Variants in KIFC3 observed in about 807,000 individuals in gnomAD.
The protein encoded by KIFC3 is kinesin family member C3, also known as kinesin-like protein KIFC3.
Under a neutral mutation model 101.8 loss-of-function variants are expected in KIFC3, and 60 were observed. The observed-to-expected ratio is 0.59, with a 90% CI of 0.48 to 0.73. The LOEUF (loss-of-function observed/expected upper bound fraction) is 0.73, where lower values mean the gene tolerates loss of function less well. Ranked by LOEUF, KIFC3 falls within the 30% of genes least tolerant of loss-of-function variation. KIFC3 has a pLI of 0.00. For missense variants in KIFC3, 966 were observed against 1,137.1 expected (o/e 0.85, Z 2.16); for synonymous variants, 476 against 482.7 (o/e 0.99, Z 0.18).
chr16:57,827,681 G>T (rs1041990086), intron 1 of KIFC3, among the ~76,000 whole-genome samples: 1 of 152,146 alleles, frequency 6.6e-6, no homozygotes, highest in Non-Finnish European at 1.5e-5. Context: ...GCCATGGATG[G>T]TCACAAATTT....
intron 1 of KIFC3, among the ~76,000 whole-genome samples, chr16:57,798,928 T>G (rs1166593879): frequency 6.6e-6 from 1 of 152,188 alleles, no homozygotes; most frequent in Non-Finnish European, 1.5e-5. Context: ...AGTCTTCATT[T>G]AATAATGCCT....
chr16:57,782,025 A>C (rs2052794201), intron 3 of KIFC3: 2 of 985,424 alleles, frequency 2.0e-6, no homozygotes, highest in Non-Finnish European at 2.4e-6. Context: ...AACAAGGCAG[A>C]GTGTACCCCC....
intron 3 of KIFC3, among the ~76,000 whole-genome samples, chr16:57,781,146 C>T (rs1392019515): frequency 6.6e-6 from 1 of 152,076 alleles, no homozygotes; most frequent in Non-Finnish European, 1.5e-5. Flanking sequence ...AGCAAGACTC[C>T]GTCTGGACAG....
chr16:57,799,027 A>AAAAAAACCCTCACAGTCTGAGCAGGCTAC lies in KIFC3; in HGVS notation c.-39-774_-39-746dup, dbSNP rs1555624607. On this transcript the variant is annotated intron_variant, in intron 1 of 19. Transcript: ENST00000445690. The stretch of plus-strand genomic sequence containing the variant: ...CAGTCAGAAGGGAGATAAACACTTC[A>AAAAAAACCCTCACAGTCTGAGCAGGCTAC]AAAAAACCCTCACAGTCTGAGCAGG... Among the ~76,000 whole-genome samples, 13 of 152,304 alleles carry AAAAAAACCCTCACAGTCTGAGCAGGCTAC rather than the reference A, an allele frequency of 8.5e-5. No individual in the cohort carries two copies. In the East Asian group the frequency reaches 9.6e-4, roughly 11 times the overall value.
At chr16:57,764,458 G>C in intron 11 of KIFC3, 1 of 556,284 alleles carries the variant, frequency 1.8e-6, no homozygotes, top group South Asian at 2.1e-5. Context: ...CTGCAGGGAA[G>C]ACAGGCCAGT....
chr16:57,796,034 C>G (rs1279196923), intron 2 of KIFC3, among the ~76,000 whole-genome samples: 1 of 151,898 alleles, frequency 6.6e-6, no homozygotes, highest in Non-Finnish European at 1.5e-5. Flanking sequence ...GCTGGGATTA[C>G]AGGTGCGCAC....
intron 1 of KIFC3, among the ~76,000 whole-genome samples, chr16:57,822,296 G>A (rs1254903290): frequency 6.6e-6 from 1 of 152,194 alleles, no homozygotes; most frequent in Non-Finnish European, 1.5e-5. Context: ...TTGAAGAGAT[G>A]AATGAGATCA....
At chr16:57,837,112 C>T (rs183791311) in intron 1 of KIFC3, among the ~76,000 whole-genome samples, 61 of 152,070 alleles carry the variant, frequency 4.0e-4, no homozygotes, top group South Asian at 1.2e-3. Context: ...ACAGAGTTGG[C>T]GAGTGAGGGC....
rs782470796 is a variant in KIFC3, at chr16:57,762,213, C to T, written c.1675G>A (p.Val559Met). The T allele has an allele frequency of 6.2e-6, 10 of 1,609,248 alleles. No individual in the cohort carries two copies. The Admixed American group carries it at 1.3e-4, about 22-fold the overall frequency. ...QRALQLLFSE[V>M]QEKASDWEYT... ...TCCCAGTCAGACGCCTTCTCCTGCA[C>T]CTCGGAGAAGAGCAGCTGCAGGGCC... The change falls in exon 13 of 20, where the codon GTG becomes ATG. Residue 559 changes from valine (V) to methionine (M), a missense_variant. Val to Met is a conservative substitution (Grantham distance 21, BLOSUM62 1). Coordinates refer to ENST00000445690, the MANE Select transcript of KIFC3 (RefSeq NM_001130100.2).
intron 3 of KIFC3, chr16:57,776,454 C>A: frequency 9.2e-6 from 9 of 979,988 alleles, no homozygotes; most frequent in Non-Finnish European, 9.7e-6. Context: ...TAAAGCCAGG[C>A]TGCCCAGGTT....
chr16:57,842,550 A>G (rs1276143929), intron 1 of KIFC3, among the ~76,000 whole-genome samples: 1 of 152,192 alleles, frequency 6.6e-6, no homozygotes, highest in Non-Finnish European at 1.5e-5. Flanking sequence ...ATAATTCAAT[A>G]ATAATTCAAT....
At chr16:57,819,960 C>T (rs1225194670) in intron 1 of KIFC3, among the ~76,000 whole-genome samples, 2 of 152,188 alleles carry the variant, frequency 1.3e-5, no homozygotes, top group South Asian at 2.1e-4. Flanking sequence ...CCTCCGCCTC[C>T]TGGGTTCTAA....
chr16:57,761,323 GCGTGCTTA>G (rs1405575948), intron 14 of KIFC3, 82 bp downstream of exon 14: 14 of 1,580,602 alleles, frequency 8.9e-6, no homozygotes, highest in African/African-American at 2.7e-5. Flanking sequence ...GCCCAAGGGT[GCGTGCTTA>G]GGACACAGCA....
chr16:57,759,140 C>T lies in KIFC3; in HGVS notation c.*9G>A, dbSNP rs781900784. ...CCACACTCACCTAGAGACTCTGCAG[C>T]CCCAGCCGTCAGGCTGAAATCAAAG... On this transcript the variant is annotated 3_prime_UTR_variant, in exon 19 of 20. Coordinates refer to ENST00000445690, the MANE Select transcript of KIFC3 (RefSeq NM_001130100.2). The T allele has an allele frequency of 7.7e-6, 12 of 1,550,818 alleles. No homozygotes were observed. The highest frequency in any genetic ancestry group is 2.4e-5 in the East Asian group (1 of 40,924).
rs1555617060 is a variant in KIFC3 at position 57,785,440 on chromosome 16, G to A, written c.315+9559C>T. 3 of 1,272,554 alleles carry A rather than the reference G, an allele frequency of 2.4e-6. No individual in the cohort carries two copies. In the Admixed American group the frequency reaches 7.0e-5, roughly 30 times the overall value. The allele number at this position is 1,272,554 out of a possible 1,614,324, so 78.8% of individuals were successfully genotyped here. A position where few individuals can be genotyped will look rare whatever the true frequency, so the allele number is the denominator to read the frequency against. ...TGCTCCATAGTGGGCAGTGGCCTCT[G>A]CCCATCCCAGCCTCCCCAGGTACCT... On this transcript the variant is annotated intron_variant, in intron 3 of 19. Coordinates refer to ENST00000445690, the MANE Select transcript of KIFC3 (RefSeq NM_001130100.2).
At position 57,760,967 on chromosome 16, in the gene KIFC3, G is replaced by C; in HGVS notation, c.2003-12C>G. 1 of 1,605,852 alleles carries C rather than the reference G, an allele frequency of 6.2e-7. No individual in the cohort carries two copies. The highest frequency in any genetic ancestry group is 1.1e-5 in the South Asian group (1 of 90,752). ...CAGGTTCAGCTTCCCTGCAGGGAAGGCACCCACCAGATCAGGCCTGCCCTG... is the reference window on the plus strand; with the variant it reads ...CAGGTTCAGCTTCCCTGCAGGGAAGCCACCCACCAGATCAGGCCTGCCCTG... On this transcript the variant is annotated splice_polypyrimidine_tract_variant and intron_variant, in intron 15 of 19. Transcript: ENST00000445690.
chr16:57,761,373 A>G (rs1555597378), intron 14 of KIFC3, 40 bp downstream of exon 14: 1 of 1,613,330 alleles, frequency 6.2e-7, no homozygotes, highest in Non-Finnish European at 8.5e-7. Flanking sequence ...TGTGTCCTCT[A>G]GAGCAGTGTG....
chr16:57,782,569 C>A (rs782398855), intron 3 of KIFC3, among the ~76,000 whole-genome samples: 12 of 152,206 alleles, frequency 7.9e-5, no homozygotes, highest in Non-Finnish European at 1.6e-4. Context: ...TCCACAAGGT[C>A]GGGCCCTCCA....
At chr16:57,837,019 C>T (rs1195471800) in intron 1 of KIFC3, among the ~76,000 whole-genome samples, 2 of 152,020 alleles carry the variant, frequency 1.3e-5, no homozygotes, top group East Asian at 1.9e-4. Context: ...AAAGATGCAC[C>T]GGAGGCTCTG....
Sources: gnomAD v4.1 joint callset for allele counts (sites outside exome capture counted in the v4.1 genomes callset) on GRCh38, gnomAD v4.1.1 for gene constraint, MANE v1.5 for transcripts, NCBI Gene and HGNC (gene_info 2026-07-23, HGNC 2026-07-21) for gene names.